SNTB1: variants seen among roughly 807,000 people sequenced by gnomAD.
SNTB1 encodes the protein beta-1-syntrophin.
A neutral mutation model predicts 48.9 loss-of-function variants in SNTB1; 36 were observed. The observed-to-expected ratio is 0.74, with a 90% CI of 0.56 to 0.97. The LOEUF (loss-of-function observed/expected upper bound fraction) is 0.97, where lower values mean the gene tolerates loss of function less well. Among genes scored for constraint, SNTB1 ranks in the 50% least tolerant of loss-of-function variants. The pLI is 0.00. For synonymous variants in SNTB1, 299 were observed against 294.6 expected (o/e 1.01, Z -0.15); for missense variants, 786 against 703.4 (o/e 1.12, Z -1.33).
chr8:120,586,743 A>G (rs1248916584), intron 3 of SNTB1, among the ~76,000 whole-genome samples: 1 of 152,214 alleles, frequency 6.6e-6, no homozygotes, highest in African/African-American at 2.4e-5. Flanking sequence ...TCAGTTGGCA[A>G]CGAGTTTAAG....
rs1816535937 is a variant in SNTB1 at position 120,607,130 on chromosome 8, TTAG to T, written c.996+25311_996+25313del. On this transcript the variant is annotated intron_variant, in intron 3 of 6. Transcript: ENST00000517992. ...TAGCCTTTACATAAACAAAAAACAT[TTAG>T]TAGAAGTTAAAATAATAAAGATTCC... Among the ~76,000 whole-genome samples, 2 of 151,992 alleles carry T rather than the reference TTAG, an allele frequency of 1.3e-5. 1 individual carries two copies. Among genetic ancestry groups the T allele is most frequent in the South Asian group, 4.2e-4 (2 of 4,818 alleles).
chr8:120,801,589 A>AT (rs1346139903), intron 1 of SNTB1, among the ~76,000 whole-genome samples: 6 of 152,074 alleles, frequency 3.9e-5, no homozygotes, highest in Non-Finnish European at 8.8e-5. Context: ...AAAATTCATG[A>AT]TTTTAACAAT....
intron 1 of SNTB1, among the ~76,000 whole-genome samples, chr8:120,731,519 TG>T (rs1271727995): frequency 2.3e-4 from 35 of 152,330 alleles, no homozygotes; most frequent in African/African-American, 7.0e-4. Flanking sequence ...CTTGAAGAGA[TG>T]ACTTCCAAGG....
At chr8:120,660,749 T>A (rs374997139) in intron 2 of SNTB1, among the ~76,000 whole-genome samples, 7 of 152,228 alleles carry the variant, frequency 4.6e-5, no homozygotes, top group Admixed American at 6.5e-5. Flanking sequence ...CTAAGCTTAA[T>A]CATTTCCAGT....
intron 1 of SNTB1, among the ~76,000 whole-genome samples, chr8:120,804,725 C>G (rs982682978): frequency 6.6e-6 from 1 of 152,158 alleles, no homozygotes; most frequent in Non-Finnish European, 1.5e-5. Flanking sequence ...TACGCCCCCC[C>G]AAGGCATGGT....
At chr8:120,677,962 T>C (rs1379094563) in intron 2 of SNTB1, among the ~76,000 whole-genome samples, 2 of 152,148 alleles carry the variant, frequency 1.3e-5, no homozygotes, top group Non-Finnish European at 2.9e-5. Flanking sequence ...CCAGGTAACA[T>C]GAAGAAACAT....
At chr8:120,716,804 G>T (rs1003859047) in intron 1 of SNTB1, among the ~76,000 whole-genome samples, 1 of 152,126 alleles carries the variant, frequency 6.6e-6, no homozygotes, top group African/African-American at 2.4e-5. Flanking sequence ...GGAAATAGAA[G>T]ATTTTTTTCT....
chr8:120,714,568 T>C (rs1300393121), intron 1 of SNTB1, among the ~76,000 whole-genome samples: 3 of 152,070 alleles, frequency 2.0e-5, no homozygotes, highest in Non-Finnish European at 4.4e-5. Context: ...TCCCAAAGAT[T>C]ATTTGCAAGA....
At chr8:120,793,853 TG>T (rs1820079135) in intron 1 of SNTB1, among the ~76,000 whole-genome samples, 1 of 152,204 alleles carries the variant, frequency 6.6e-6, no homozygotes, top group East Asian at 1.9e-4. Flanking sequence ...TAAGAGTTTT[TG>T]AAATGTTCAT....
chr8:120,553,871 G>A (rs1264753134), intron 4 of SNTB1, among the ~76,000 whole-genome samples: 1 of 152,106 alleles, frequency 6.6e-6, no homozygotes, highest in Non-Finnish European at 1.5e-5. Flanking sequence ...GGTGGCACGT[G>A]CCTGTAGTCC....
intron 1 of SNTB1, among the ~76,000 whole-genome samples, chr8:120,766,232 C>T (rs1176768511): frequency 6.6e-6 from 1 of 152,102 alleles, no homozygotes; most frequent in Non-Finnish European, 1.5e-5. Context: ...ACTTAATCCT[C>T]ACAATGAGGT....
chr8:120,785,003 T>C (rs951247466), intron 1 of SNTB1, among the ~76,000 whole-genome samples: 1 of 152,130 alleles, frequency 6.6e-6, no homozygotes, highest in African/African-American at 2.4e-5. Context: ...CTGGGGAATA[T>C]ATGAGAAGGA....
chr8:120,545,364 C>T (rs1314340091), intron 5 of SNTB1, among the ~76,000 whole-genome samples: 2 of 151,934 alleles, frequency 1.3e-5, no homozygotes, highest in African/African-American at 2.4e-5. Context: ...AAAGAGTACT[C>T]CTGGGTGACC....
At chr8:120,609,529 G>A (rs1563830680) in intron 3 of SNTB1, among the ~76,000 whole-genome samples, 2 of 152,158 alleles carry the variant, frequency 1.3e-5, no homozygotes, top group Non-Finnish European at 1.5e-5. Context: ...GCCACCTGAG[G>A]GTGTTGGAGA....
intron 1 of SNTB1, among the ~76,000 whole-genome samples, chr8:120,790,862 T>C (rs1820018182): frequency 6.6e-6 from 1 of 151,736 alleles, no homozygotes; most frequent in Non-Finnish European, 1.5e-5. Context: ...AATGTCAACA[T>C]CATTTTTTAA....
chr8:120,575,369 T>C (rs532620384), intron 3 of SNTB1, 144 bp from the exon 4 acceptor site: 1 of 882,448 alleles, frequency 1.1e-6, no homozygotes, highest in South Asian at 1.7e-5. Flanking sequence ...AAGAACCTTG[T>C]CTTTATCCCA....
At chr8:120,749,751 A>G (rs985657544) in intron 1 of SNTB1, among the ~76,000 whole-genome samples, 1 of 152,166 alleles carries the variant, frequency 6.6e-6, no homozygotes, top group Non-Finnish European at 1.5e-5. Flanking sequence ...TGGCTCAGCA[A>G]CTGCAATATG....
Position 120,632,462 on chromosome 8 carries a change from A to G in SNTB1, c.978T>C (p.Leu326=), listed in dbSNP as rs1563836407. ...GIAGSREIRH[L]GWLAEKVPGE... Reference sequence around the variant, plus strand: ...TCCTTACCTTTTCTGCAAGCCAGCCAAGATGCCTAATCTCTCGGCTCCCAG... The same window carrying G: ...TCCTTACCTTTTCTGCAAGCCAGCCGAGATGCCTAATCTCTCGGCTCCCAG... Residue 326 remains leucine, a synonymous_variant, in exon 3 of 7, where the codon CTT becomes CTC. Transcript: ENST00000517992. 2.5e-6 allele frequency: 4 copies of G among 1,614,072 alleles called. No homozygotes were observed. Among genetic ancestry groups the G allele is most frequent in the Non-Finnish European group, 3.4e-6 (4 of 1,179,992 alleles).
intron 3 of SNTB1, among the ~76,000 whole-genome samples, chr8:120,599,743 CTG>C (rs1816392035): frequency 1.3e-5 from 2 of 152,172 alleles, no homozygotes; most frequent in African/African-American, 2.4e-5. Context: ...TTGGAAATAA[CTG>C]TTTTTTTAAA....
Sources: allele counts gnomAD v4.1 joint callset (sites outside exome capture counted in the v4.1 genomes callset), GRCh38; gene constraint gnomAD v4.1.1; transcripts MANE v1.5; gene names NCBI Gene and HGNC (gene_info 2026-07-23, HGNC 2026-07-21).